PDE10A: variants seen among roughly 807,000 people sequenced by gnomAD.
PDE10A encodes the protein phosphodiesterase 10A.
A neutral mutation model predicts 97.7 loss-of-function variants in PDE10A; 39 were observed. That is an observed-to-expected ratio of 0.40 (90% CI 0.31 to 0.52). The LOEUF (loss-of-function observed/expected upper bound fraction) is 0.52. Ranked by LOEUF, PDE10A falls within the 20% of genes least tolerant of loss-of-function variation. PDE10A has a pLI of 0.56. For synonymous variants in PDE10A, 371 were observed against 376.8 expected, an observed-to-expected ratio of 0.98 and a Z score of 0.18; for missense variants, 731 against 1,047.8, an observed-to-expected ratio of 0.70 and a Z score of 4.17.
chr6:165,955,479 A>T (rs1182918909), intron 1 of PDE10A, among the ~76,000 whole-genome samples: 1 of 152,130 alleles, frequency 6.6e-6, no homozygotes, highest in Non-Finnish European at 1.5e-5. Flanking sequence ...CACCATGTAA[A>T]GCCTGACATG....
chr6:165,392,555 T>A, intron 16 of PDE10A, 91 bp downstream of exon 16: 1 of 1,268,942 alleles, frequency 7.9e-7, no homozygotes, highest in South Asian at 1.5e-5. Flanking sequence ...TGGAATAACA[T>A]GTCACAAATC....
intron 1 of PDE10A, among the ~76,000 whole-genome samples, chr6:165,961,433 C>T (rs779547961): frequency 2.0e-5 from 3 of 152,196 alleles, no homozygotes; most frequent in East Asian, 3.9e-4. Context: ...CCCGCCTTAG[C>T]GGGTTTCATT....
At chr6:165,911,514 G>T (rs1050296445) in intron 1 of PDE10A, among the ~76,000 whole-genome samples, 3 of 152,078 alleles carry the variant, frequency 2.0e-5, no homozygotes, top group Non-Finnish European at 4.4e-5. Flanking sequence ...GGTCTTGAAG[G>T]GTGACTCTTC....
At chr6:165,374,758 T>G (rs1436070897) in intron 18 of PDE10A, among the ~76,000 whole-genome samples, 3 of 151,590 alleles carry the variant, frequency 2.0e-5, no homozygotes, top group Non-Finnish European at 2.9e-5. Context: ...GTTTTTGGTT[T>G]TTTTTTTTTT....
chr6:165,949,411 G>C (rs1783881364), intron 1 of PDE10A: 1 of 152,310 alleles, frequency 6.6e-6, no homozygotes, highest in Non-Finnish European at 1.5e-5. Flanking sequence ...ACACACACTG[G>C]TGCAACACGT....
chr6:165,843,187 T>C (rs1780309784), intron 1 of PDE10A, among the ~76,000 whole-genome samples: 1 of 152,188 alleles, frequency 6.6e-6, no homozygotes, highest in Non-Finnish European at 1.5e-5. Context: ...CAAGCCATGG[T>C]GTTGGGTGAG....
chr6:165,942,021 T>A (rs1429637933), intron 1 of PDE10A, among the ~76,000 whole-genome samples: 1 of 152,140 alleles, frequency 6.6e-6, no homozygotes, highest in Non-Finnish European at 1.5e-5. Flanking sequence ...ATAGCCATCC[T>A]CTCATGATGC....
At chr6:165,343,304 C>T (rs1782090508) in intron 19 of PDE10A, 87 bp downstream of exon 19, 7 of 925,866 alleles carry the variant, frequency 7.6e-6, no homozygotes, top group Non-Finnish European at 1.2e-5. Flanking sequence ...TAACTATCAA[C>T]ATGAACAACT....
intron 1 of PDE10A, among the ~76,000 whole-genome samples, chr6:165,712,068 T>C (rs1297192229): frequency 1.3e-5 from 2 of 152,102 alleles, no homozygotes; most frequent in Non-Finnish European, 2.9e-5. Context: ...GTGTGGTTTT[T>C]CAGTGGTGAA....
Position 165,332,942 on chromosome 6 carries a change from A to ACC in PDE10A, c.*81_*82dup, listed in dbSNP as rs796169595. 306 of 386,812 alleles carry ACC rather than the reference A, an allele frequency of 7.9e-4. 1 individual carries two copies. Among genetic ancestry groups the ACC allele is most frequent in the African/African-American group, 6.9e-3 (276 of 40,276 alleles). The allele number at this position is 386,812 out of a possible 1,614,324, so 24.0% of individuals were successfully genotyped here. On this transcript the variant is annotated 3_prime_UTR_variant, in exon 22 of 22. Coordinates refer to ENST00000539869, the MANE Select transcript of PDE10A (RefSeq NM_001385079.1). ...CAGTTACCAGGTGCAGGTTCCCCCC[A>ACC]CCCCCCCCAAAAAAAGGAAAAGAAT... is the stretch of plus-strand genomic sequence containing the variant.
At chr6:165,552,384 TC>T (rs1298209936) in intron 1 of PDE10A, among the ~76,000 whole-genome samples, 1 of 152,202 alleles carries the variant, frequency 6.6e-6, no homozygotes, top group Non-Finnish European at 1.5e-5. Flanking sequence ...CTGGGGGTGT[TC>T]CCAGTCAACA....
At position 165,468,261 on chromosome 6, in the gene PDE10A, T is replaced by A. The variant is rs183872749; in HGVS notation, c.1023+14054A>T. On this transcript the variant is annotated intron_variant, in intron 3 of 21. Coordinates refer to ENST00000539869, the MANE Select transcript of PDE10A (RefSeq NM_001385079.1). Reference sequence around the variant, plus strand: ...GCTAGGCTAATTTTTTTTTATTTTTTTTTTTTTTAGTAGAGATGGGGTTTC... The same window carrying A: ...GCTAGGCTAATTTTTTTTTATTTTTATTTTTTTTAGTAGAGATGGGGTTTC... Among the ~76,000 whole-genome samples, 1,077 of 151,678 alleles carry A rather than the reference T, an allele frequency of 7.1e-3. 6 individuals carry two copies. Among genetic ancestry groups the A allele is most frequent in the Non-Finnish European group, 0.011 (771 of 67,824 alleles).
At chr6:165,796,300 A>T (rs1045269684) in intron 1 of PDE10A, among the ~76,000 whole-genome samples, 4 of 151,814 alleles carry the variant, frequency 2.6e-5, no homozygotes, top group Non-Finnish European at 5.9e-5. Flanking sequence ...GTTAGCCAGG[A>T]TGGTCTCTAT....
At chr6:165,921,737 G>T (rs181089122) in intron 1 of PDE10A, among the ~76,000 whole-genome samples, 1 of 152,308 alleles carries the variant, frequency 6.6e-6, no homozygotes, top group Admixed American at 6.5e-5. Context: ...GAAACCCACT[G>T]CCATCACAGT....
At chr6:165,673,466 G>T (rs896699800) in intron 1 of PDE10A, among the ~76,000 whole-genome samples, 1 of 152,216 alleles carries the variant, frequency 6.6e-6, no homozygotes, top group Non-Finnish European at 1.5e-5. Context: ...AAAGGCGAGG[G>T]TTAAAACCTC....
At chr6:165,377,139 G>C (rs1424749785) in intron 18 of PDE10A, among the ~76,000 whole-genome samples, 1 of 152,136 alleles carries the variant, frequency 6.6e-6, no homozygotes, top group African/African-American at 2.4e-5. Flanking sequence ...ATACTTAGTA[G>C]AACACATGGT....
chr6:165,837,736 A>C (rs1264642350), intron 1 of PDE10A, among the ~76,000 whole-genome samples: 1 of 130,464 alleles, frequency 7.7e-6, no homozygotes, highest in Admixed American at 9.7e-5. Context: ...CCCAGGCTGG[A>C]GTGCAGCGGC....
intron 1 of PDE10A, among the ~76,000 whole-genome samples, chr6:165,778,328 C>G (rs2128461166): frequency 1.3e-5 from 2 of 152,268 alleles, no homozygotes; most frequent in East Asian, 3.9e-4. Flanking sequence ...TCTCAGCCTC[C>G]CAAAGTGCTG....
At chr6:165,606,100 A>G (rs1383210664) in intron 1 of PDE10A, among the ~76,000 whole-genome samples, 1 of 147,590 alleles carries the variant, frequency 6.8e-6, no homozygotes, top group Admixed American at 6.8e-5. Flanking sequence ...GAGCGCAGTC[A>G]TTAGGAGTCA....
Sources: allele counts gnomAD v4.1 joint callset (sites outside exome capture counted in the v4.1 genomes callset), GRCh38; gene constraint gnomAD v4.1.1; transcripts MANE v1.5; gene names NCBI Gene and HGNC (gene_info 2026-07-23, HGNC 2026-07-21).